DGKB: variants seen among roughly 807,000 people sequenced by gnomAD.
DGKB encodes 90 kDa diacylglycerol kinase.
Under a neutral mutation model 114.3 loss-of-function variants are expected in DGKB, and 67 were observed. That is an observed-to-expected ratio of 0.59 (90% confidence interval 0.48 to 0.72). The LOEUF (loss-of-function observed/expected upper bound fraction) is 0.72, where lower values mean the gene tolerates loss of function less well. DGKB is among the 30% of genes least tolerant of loss of function. The pLI is 0.00. For synonymous variants in DGKB, 398 were observed against 323.1 expected, an observed-to-expected ratio of 1.23 and a Z score of -2.49; for missense variants, 907 against 975.2, an observed-to-expected ratio of 0.93 and a Z score of 0.93.
intron 20 of DGKB, among the ~76,000 whole-genome samples, chr7:14,522,183 T>A (rs578212446): frequency 3.9e-5 from 6 of 152,278 alleles, no homozygotes; most frequent in African/African-American, 1.4e-4. Context: ...ACAGAACATT[T>A]ACATTTTAGA....
intron 13 of DGKB, among the ~76,000 whole-genome samples, chr7:14,631,689 A>G (rs992073894): frequency 1.3e-5 from 2 of 152,014 alleles, no homozygotes; most frequent in African/African-American, 4.8e-5. Context: ...TCTACATAAC[A>G]CCAGGGACAA....
At chr7:14,399,930 T>C (rs1473781060) in intron 21 of DGKB, among the ~76,000 whole-genome samples, 1 of 151,868 alleles carries the variant, frequency 6.6e-6, no homozygotes, top group Non-Finnish European at 1.5e-5. Context: ...CGAAGGACAA[T>C]ATTAACAAGA....
At chr7:14,747,207 T>C (rs62963361) in intron 4 of DGKB, among the ~76,000 whole-genome samples, 3,140 of 139,864 alleles carry the variant, frequency 0.022, 60 homozygotes, top group Non-Finnish European at 0.032. Context: ...TTTTTTTTTT[T>C]CCTAAGAGAA....
Position 14,663,610 on chromosome 7 carries a change from T to TTCCCTTCCTCCCTTCC in DGKB, c.1134+9303_1134+9318dup, listed in dbSNP as rs71004323. Among the ~76,000 whole-genome samples the TTCCCTTCCTCCCTTCC allele has an allele frequency of 4.4e-3, 517 of 116,376 alleles. 12 individuals are homozygous for TTCCCTTCCTCCCTTCC. Among genetic ancestry groups the TTCCCTTCCTCCCTTCC allele is most frequent in the African/African-American group, 0.014 (457 of 32,234 alleles). The allele number at this position is 116,376 out of a possible 152,430, so 76.3% of individuals were successfully genotyped here. A position where few individuals can be genotyped will look rare whatever the true frequency, so the allele number is the denominator to read the frequency against. On this transcript the variant is annotated intron_variant, in intron 13 of 25. Transcript: ENST00000402815. ...CTTTCCTTCTCTTCTTTCTTTTCTT[T>TTCCCTTCCTCCCTTCC]TCCCTTCCTCCCTTCCTCCCTTCCT...
chr7:14,451,432 C>A (rs1831462245), intron 21 of DGKB, among the ~76,000 whole-genome samples: 1 of 152,018 alleles, frequency 6.6e-6, no homozygotes, highest in Non-Finnish European at 1.5e-5. Context: ...TGGACTCAGA[C>A]TGGAACTATA....
At chr7:14,463,332 T>C (rs1298226425) in intron 21 of DGKB, among the ~76,000 whole-genome samples, 1 of 152,160 alleles carries the variant, frequency 6.6e-6, no homozygotes, top group African/African-American at 2.4e-5. Context: ...CCGTGGCACA[T>C]GTATACCTAT....
rs561321695 is a variant in DGKB, at chr7:14,269,671, T to C, written c.2122+68844A>G. On this transcript the variant is annotated intron_variant, in intron 23 of 25. Transcript: ENST00000402815. ...AAGACGATAGCTAGATCAGGAGAAA[T>C]AGTGCAAGGCTGAAAACAACCAGAA... Among the ~76,000 whole-genome samples the C allele has an allele frequency of 6.5e-4, 99 of 152,226 alleles. 1 individual carries two copies. The highest frequency in any genetic ancestry group is 3.4e-3 in the Middle Eastern group (1 of 294).
chr7:14,924,594 G>C (rs1381032157), intron 1 of DGKB, among the ~76,000 whole-genome samples: 1 of 152,006 alleles, frequency 6.6e-6, no homozygotes, highest in Non-Finnish European at 1.5e-5. Flanking sequence ...TATCTTAATA[G>C]TTCACTAGTG....
chr7:14,684,014 T>C (rs191644085), intron 10 of DGKB, among the ~76,000 whole-genome samples: 1 of 152,256 alleles, frequency 6.6e-6, no homozygotes. Flanking sequence ...TTAAATATAA[T>C]AGAACTTTAA....
At chr7:14,482,538 G>C (rs1783136260) in intron 20 of DGKB, among the ~76,000 whole-genome samples, 1 of 152,012 alleles carries the variant, frequency 6.6e-6, no homozygotes, top group Admixed American at 6.6e-5. Context: ...ATGTGAGATA[G>C]AGCTAACTGT....
intron 2 of DGKB, among the ~76,000 whole-genome samples, chr7:14,806,154 T>C (rs1027252771): frequency 6.6e-6 from 1 of 151,978 alleles, no homozygotes; most frequent in Non-Finnish European, 1.5e-5. Context: ...TAGTTTCTAT[T>C]CTTGTTATGA....
At chr7:14,399,675 T>A (rs1450956627) in intron 21 of DGKB, among the ~76,000 whole-genome samples, 1 of 151,886 alleles carries the variant, frequency 6.6e-6, no homozygotes, top group African/African-American at 2.4e-5. Flanking sequence ...TTAGAGTTGA[T>A]AGTACTTTAA....
At chr7:14,175,507 A>T (rs1410367299) in intron 25 of DGKB, among the ~76,000 whole-genome samples, 1 of 152,080 alleles carries the variant, frequency 6.6e-6, no homozygotes, top group African/African-American at 2.4e-5. Context: ...ACATTCATCC[A>T]CTTTGATTTT....
At chr7:14,696,141 C>A (rs1252575205) in intron 8 of DGKB, among the ~76,000 whole-genome samples, 3 of 152,068 alleles carry the variant, frequency 2.0e-5, no homozygotes, top group Non-Finnish European at 2.9e-5. Context: ...ACAAACACAC[C>A]CCCCAACACA....
chr7:14,880,316 G>A lies in DGKB; in HGVS notation c.-188+22276C>T, dbSNP rs183775805. 2.0e-5 allele frequency among the ~76,000 whole-genome samples: 3 copies of A among 152,240 alleles called. No homozygotes were observed. The South Asian group carries it at 6.2e-4, about 32-fold the overall frequency. On this transcript the variant is annotated intron_variant, in intron 1 of 25. Transcript: ENST00000402815. ...CTACTAAAAATACAAAAATTAGCCA[G>A]GTATGGTGGCATACACCTGTAGTCC...
At chr7:14,250,134 T>A (rs2884320) in intron 23 of DGKB, among the ~76,000 whole-genome samples, 15,354 of 47,546 alleles carry the variant, frequency 0.32, 964 homozygotes, top group East Asian at 0.54. Flanking sequence ...ATATATATAT[T>A]TTTTTTTTTT....
chr7:14,253,527 T>A (rs1225294464), intron 23 of DGKB, among the ~76,000 whole-genome samples: 1 of 152,230 alleles, frequency 6.6e-6, no homozygotes, highest in Non-Finnish European at 1.5e-5. Context: ...AATTGAATAT[T>A]AACATCTGAA....
chr7:14,473,198 A>T (rs1316334833), intron 21 of DGKB, among the ~76,000 whole-genome samples: 2 of 152,170 alleles, frequency 1.3e-5, no homozygotes, highest in African/African-American at 4.8e-5. Flanking sequence ...AGCCAAGCCC[A>T]GGGTGCCCAT....
At chr7:14,174,705 G>A (rs1235712628) in intron 25 of DGKB, among the ~76,000 whole-genome samples, 2 of 151,850 alleles carry the variant, frequency 1.3e-5, no homozygotes, top group African/African-American at 2.4e-5. Flanking sequence ...CCACCATCAC[G>A]GTAGCAGCTA....
Sources: gnomAD v4.1 joint callset for allele counts (sites outside exome capture counted in the v4.1 genomes callset) on GRCh38, gnomAD v4.1.1 for gene constraint, MANE v1.5 for transcripts, NCBI Gene and HGNC (gene_info 2026-07-23, HGNC 2026-07-21) for gene names.